Variants in FNBP1 observed in about 807,000 individuals in gnomAD.
FNBP1 encodes the protein formin binding protein 1, also known as formin-binding protein 1.
FNBP1 carries 26 observed loss-of-function variants against 90.6 expected under a neutral mutation model. That is an observed-to-expected ratio of 0.29 (90% CI 0.21 to 0.40). The LOEUF (loss-of-function observed/expected upper bound fraction) is 0.40, where lower values mean the gene tolerates loss of function less well. FNBP1 is among the 10% of genes least tolerant of loss of function. FNBP1 has a pLI of 1.00. For synonymous variants in FNBP1, 260 were observed against 265.2 expected, an observed-to-expected ratio of 0.98 and a Z score of 0.19; for missense variants, 635 against 768.0, an observed-to-expected ratio of 0.83 and a Z score of 2.05.
chr9:129,929,385 G>A (rs2042379916), intron 7 of FNBP1, among the ~76,000 whole-genome samples, 182 bp downstream of exon 7: 1 of 131,882 alleles, frequency 7.6e-6, no homozygotes, highest in South Asian at 2.4e-4. Context: ...ACTCCAGCCT[G>A]GGTGACAAAG....
At position 129,889,396 on chromosome 9, in the gene FNBP1, C is replaced by A. The variant is rs112547591; in HGVS notation, c.*1143G>T. 5.6e-6 allele frequency: 1 copy of A among 180,066 alleles called. No homozygotes were observed. Among genetic ancestry groups the A allele is most frequent in the African/African-American group, 2.4e-5 (1 of 42,342 alleles). 11.2% of individuals were successfully genotyped at this position (180,066 alleles called of 1,614,324 possible). ...ACCAGCCTGACCAACACGGTGAAAC[C>A]CTGTCTCTACTAAAAATACAAACAT... On this transcript the variant is annotated 3_prime_UTR_variant, in exon 17 of 17. Coordinates refer to ENST00000446176, the MANE Select transcript of FNBP1 (RefSeq NM_015033.3).
chr9:130,003,346 G>A (rs1308463406), intron 1 of FNBP1, among the ~76,000 whole-genome samples: 1 of 152,098 alleles, frequency 6.6e-6, no homozygotes, highest in Non-Finnish European at 1.5e-5. Flanking sequence ...AGTCTCAGCA[G>A]TAATCTCAGC....
At position 129,915,136 on chromosome 9, in the gene FNBP1, C is replaced by G. The variant is rs548827411; in HGVS notation, c.1185+830G>C. Among the ~76,000 whole-genome samples the G allele has an allele frequency of 2.6e-3, 394 of 152,008 alleles. 9 individuals carry two copies. The highest frequency in any genetic ancestry group is 1.2e-3 in the South Asian group (6 of 4,810). On this transcript the variant is annotated intron_variant, in intron 11 of 16. Transcript: ENST00000446176. ...CCTCTTGAATCAGCTATGCACAAGG[C>G]ACCAACATATCTACGTCGCACCATA...
chr9:129,993,070 T>C (rs2053452091), intron 2 of FNBP1, among the ~76,000 whole-genome samples: 1 of 149,660 alleles, frequency 6.7e-6, no homozygotes, highest in South Asian at 2.1e-4. Flanking sequence ...CTACTAAAAA[T>C]ACAAAAATTA....
intron 4 of FNBP1, among the ~76,000 whole-genome samples, chr9:129,964,638 A>G (rs1360850926): frequency 2.0e-5 from 3 of 151,998 alleles, no homozygotes; most frequent in Non-Finnish European, 4.4e-5. Context: ...ATAAGCAAGC[A>G]TTAACTTTAA....
At chr9:129,986,424 T>G (rs2052254609) in intron 2 of FNBP1, among the ~76,000 whole-genome samples, 1 of 151,640 alleles carries the variant, frequency 6.6e-6, no homozygotes, top group Non-Finnish European at 1.5e-5. Flanking sequence ...CATCAATAAA[T>G]GAGGGTGGAT....
chr9:129,979,781 A>G (rs1267419977), intron 2 of FNBP1, among the ~76,000 whole-genome samples: 12 of 152,038 alleles, frequency 7.9e-5, no homozygotes, highest in Non-Finnish European at 1.8e-4. Context: ...CTGGGACTAC[A>G]GGTGCACGCC....
Position 129,890,658 on chromosome 9 carries a change from G to A in FNBP1, c.1847-112C>T. On this transcript the variant is annotated intron_variant, in intron 16 of 16. Coordinates refer to ENST00000446176, the MANE Select transcript of FNBP1 (RefSeq NM_015033.3). The surrounding 1 kb of genome is among the most constrained non-coding windows in gnomAD (Gnocchi z 5.8). ...AACTGCACCGCCCTGGGAGGGGAGG[G>A]TAGTGGGAGGGGAGGGATGGGAGGG... 2.2e-6 allele frequency: 1 copy of A among 451,466 alleles called. No homozygotes were observed. Among genetic ancestry groups the A allele is most frequent in the South Asian group, 1.6e-5 (1 of 60,826 alleles). The allele number at this position is 451,466 out of a possible 1,614,324, so 28.0% of individuals were successfully genotyped here. A position where few individuals can be genotyped will look rare whatever the true frequency, so the allele number is the denominator to read the frequency against.
intron 16 of FNBP1, among the ~76,000 whole-genome samples, chr9:129,892,408 CACACACACAA>C (rs1170421223): frequency 4.2e-5 from 5 of 117,664 alleles, no homozygotes; most frequent in Non-Finnish European, 1.0e-4. Flanking sequence ...CACACACACA[CACACACACAA>C]AAAGGTTGAC....
intron 6 of FNBP1, among the ~76,000 whole-genome samples, chr9:129,930,483 A>G (rs185110628): frequency 5.4e-4 from 83 of 152,348 alleles, no homozygotes; most frequent in African/African-American, 2.0e-3. Context: ...TTTAGTATAT[A>G]TGCTAAAGAG....
chr9:129,890,627 G>T lies in FNBP1; in HGVS notation c.1847-81C>A. On this transcript the variant is annotated intron_variant, in intron 16 of 16. Coordinates refer to ENST00000446176, the MANE Select transcript of FNBP1 (RefSeq NM_015033.3). The surrounding 1 kb of genome is among the most constrained non-coding windows in gnomAD (Gnocchi z 5.8). ...GTTCCAGGCGGGCATTTTGCTCTTG[G>T]CTACAAACTGCACCGCCCTGGGAGG... 1 of 923,336 alleles carries T rather than the reference G, an allele frequency of 1.1e-6. No individual in the cohort carries two copies. The highest frequency in any genetic ancestry group is 1.6e-6 in the Non-Finnish European group (1 of 628,220). 57.2% of individuals were successfully genotyped at this position (923,336 alleles called of 1,614,324 possible). A position where few individuals can be genotyped will look rare whatever the true frequency, so the allele number is the denominator to read the frequency against.
chr9:129,968,205 G>A (rs2048910526), intron 4 of FNBP1, among the ~76,000 whole-genome samples: 1 of 152,048 alleles, frequency 6.6e-6, no homozygotes, highest in Non-Finnish European at 1.5e-5. Flanking sequence ...GACCAGCCTA[G>A]TCAACATGGT....
chr9:129,981,451 A>G (rs1345460363), intron 2 of FNBP1, among the ~76,000 whole-genome samples: 1 of 152,122 alleles, frequency 6.6e-6, no homozygotes, highest in Non-Finnish European at 1.5e-5. Flanking sequence ...TTCCTTGTTA[A>G]TTCCCTGTTG....
Position 129,929,550 on chromosome 9 carries a change from A to C in FNBP1, c.642+17T>G. 1 of 1,611,642 alleles carries C rather than the reference A, an allele frequency of 6.2e-7. No homozygotes were observed. On this transcript the variant is annotated intron_variant, in intron 7 of 16. Coordinates refer to ENST00000446176, the MANE Select transcript of FNBP1 (RefSeq NM_015033.3). ...CAAAGCATAAAACATGAAATCTGAG[A>C]GATGTTCAGGACTTACCTGGAAGAT...
chr9:129,986,514 G>A (rs144904901), intron 2 of FNBP1, among the ~76,000 whole-genome samples: 48 of 152,198 alleles, frequency 3.2e-4, no homozygotes, highest in Non-Finnish European at 5.4e-4. Flanking sequence ...AAGATAGGCC[G>A]GGCGTGGTGG....
chr9:129,945,964 T>C (rs1342970261), intron 6 of FNBP1, among the ~76,000 whole-genome samples: 1 of 152,108 alleles, frequency 6.6e-6, no homozygotes, highest in Non-Finnish European at 1.5e-5. Context: ...GCCCAGAAGT[T>C]CAAGACCACC....
At chr9:129,972,447 AT>A (rs1185450027) in intron 4 of FNBP1, among the ~76,000 whole-genome samples, 1 of 151,902 alleles carries the variant, frequency 6.6e-6, no homozygotes, top group East Asian at 1.9e-4. Context: ...CCAATTACAC[AT>A]TTTTAGAAAG....
chr9:129,958,776 T>C (rs1248402140), intron 4 of FNBP1, among the ~76,000 whole-genome samples: 2 of 145,314 alleles, frequency 1.4e-5, no homozygotes, highest in Admixed American at 6.8e-5. Context: ...AGCCAAGGAG[T>C]TCAAGACAGC....
At chr9:130,051,273 G>A in the FNBP1 span, among the ~76,000 whole-genome samples, 18 of 152,254 alleles carry the variant, frequency 1.2e-4, no homozygotes, top group African/African-American at 3.9e-4. Context: ...CTGGGCTCAA[G>A]TTATCCACCA....
Sources: gnomAD v4.1 joint callset for allele counts (sites outside exome capture counted in the v4.1 genomes callset) on GRCh38, gnomAD v4.1.1 for gene constraint, Gnocchi (gnomAD v3.1) non-coding constraint, MANE v1.5 for transcripts, NCBI Gene and HGNC (gene_info 2026-07-23, HGNC 2026-07-21) for gene names.